Variants in GLI2 observed in about 807,000 individuals in gnomAD.
GLI2 encodes GLI family zinc finger 2.
In GLI2, 22 loss-of-function variants were observed where a neutral mutation model predicts 78.9. That is an observed-to-expected ratio of 0.28 (90% CI 0.20 to 0.40). GLI2 has a LOEUF of 0.40. Ranked by LOEUF, GLI2 falls within the 10% of genes least tolerant of loss-of-function variation. GLI2 has a pLI of 1.00. For missense variants in GLI2, 2,097 were observed against 2,213.2 expected (o/e 0.95, Z 1.05); for synonymous variants, 974 against 963.7 (o/e 1.01, Z -0.20).
At chr2:120,984,818 G>A in intron 12 of GLI2, 75 bp downstream of exon 12, 1 of 1,508,254 alleles carries the variant, frequency 6.6e-7, no homozygotes, top group Non-Finnish European at 9.1e-7. Context: ...TGCCACGGTT[G>A]CGGGCTCTGC....
intron 2 of GLI2, among the ~76,000 whole-genome samples, chr2:120,882,375 G>A (rs887380349): frequency 3.9e-5 from 6 of 152,220 alleles, no homozygotes; most frequent in South Asian, 2.1e-4. Flanking sequence ...CGCTGCAGGC[G>A]TCAGCTGCTG....
At chr2:120,936,049 C>T (rs529643258) in intron 3 of GLI2, among the ~76,000 whole-genome samples, 39 of 152,172 alleles carry the variant, frequency 2.6e-4, no homozygotes, top group African/African-American at 8.4e-4. Context: ...ATGAACTATT[C>T]GGTTCCTCTC....
Position 120,982,894 on chromosome 2 carries a change from G to A in GLI2, c.1632+14G>A, listed in dbSNP as rs1164466405. 1.2e-6 allele frequency: 2 copies of A among 1,612,484 alleles called. No individual in the cohort carries two copies. The highest frequency in any genetic ancestry group is 8.5e-7 in the Non-Finnish European group (1 of 1,178,996). On this transcript the variant is annotated intron_variant, in intron 11 of 13. Transcript: ENST00000361492. ...CACTCCAACGAGGTACCTCTGCGGG[G>A]CATGCACTGGGCATGCACACTGGGG...
At chr2:120,832,105 A>G (rs78482418) in intron 2 of GLI2, among the ~76,000 whole-genome samples, 1,810 of 152,304 alleles carry the variant, frequency 0.012, 49 homozygotes, top group East Asian at 0.06. Context: ...GCCCCAGTCC[A>G]TGCCCACCTG....
chr2:120,890,186 T>C (rs1264651908), intron 2 of GLI2, among the ~76,000 whole-genome samples: 2 of 152,218 alleles, frequency 1.3e-5, no homozygotes, highest in Non-Finnish European at 2.9e-5. Context: ...CGGGGAATTA[T>C]GCTGAGTGCA....
intron 2 of GLI2, among the ~76,000 whole-genome samples, chr2:120,916,416 C>G (rs904053590): frequency 6.6e-6 from 1 of 152,254 alleles, no homozygotes; most frequent in Non-Finnish European, 1.5e-5. Flanking sequence ...CCATCCTCCC[C>G]CTTCCTTCTG....
chr2:120,893,647 AAAG>A (rs932833072), intron 2 of GLI2, among the ~76,000 whole-genome samples: 1 of 151,106 alleles, frequency 6.6e-6, no homozygotes, highest in Non-Finnish European at 1.5e-5. Flanking sequence ...TGAAAGGAAA[AAAG>A]AAGAAAGAAA....
At chr2:120,881,579 G>T (rs1677130211) in intron 2 of GLI2, among the ~76,000 whole-genome samples, 1 of 107,400 alleles carries the variant, frequency 9.3e-6, no homozygotes, top group Non-Finnish European at 1.9e-5. Context: ...GTAGGGGAGG[G>T]CAGGTAGTGG....
At chr2:120,834,136 T>G (rs1000287424) in intron 2 of GLI2, among the ~76,000 whole-genome samples, 2 of 152,194 alleles carry the variant, frequency 1.3e-5, no homozygotes, top group African/African-American at 4.8e-5. Context: ...TTAGCATGAT[T>G]CAGGTATGGT....
In GLI2 at chr2:120,984,466, C is replaced by T. The variant is rs551256208; in HGVS notation, c.1633-5C>T. On this transcript the variant is annotated splice_region_variant and splice_polypyrimidine_tract_variant and intron_variant, in intron 11 of 13. Coordinates refer to ENST00000361492, the MANE Select transcript of GLI2 (RefSeq NM_001374353.1). ...TCCATGACACAGGCCTGCTTCTCTC[C>T]CCAGAAACCCTACATCTGCAAGATC... The T allele has an allele frequency of 1.7e-5, 27 of 1,614,144 alleles. No homozygotes were observed. The South Asian group carries it at 2.6e-4, about 16-fold the overall frequency.
Position 120,810,231 on chromosome 2 carries a change from G to A in GLI2, c.148+12763G>A, listed in dbSNP as rs148686305. Among the ~76,000 whole-genome samples the A allele has an allele frequency of 6.4e-3, 982 of 152,326 alleles. 13 individuals carry two copies. Among genetic ancestry groups the A allele is most frequent in the African/African-American group, 0.022 (920 of 41,568 alleles). On this transcript the variant is annotated intron_variant, in intron 2 of 13. Coordinates refer to ENST00000361492, the MANE Select transcript of GLI2 (RefSeq NM_001374353.1). Reference sequence around the variant, plus strand: ...GGGGATGGTCTTGCCAGTGCTACGCGGTGAGTATCTACCAGATCTTGGTAG... The same window carrying A: ...GGGGATGGTCTTGCCAGTGCTACGCAGTGAGTATCTACCAGATCTTGGTAG...
intron 9 of GLI2, among the ~76,000 whole-genome samples, chr2:120,976,611 A>G (rs1312533657): frequency 2.6e-5 from 4 of 152,260 alleles, no homozygotes; most frequent in African/African-American, 9.6e-5. Flanking sequence ...AAGCCAGAGC[A>G]TGCAGATGAG....
At chr2:120,983,125 C>T (rs989499088) in intron 11 of GLI2, among the ~76,000 whole-genome samples, 1 of 152,326 alleles carries the variant, frequency 6.6e-6, no homozygotes, top group African/African-American at 2.4e-5. Flanking sequence ...CTGACCCTCT[C>T]TGTGCCTCAA....
intron 3 of GLI2, among the ~76,000 whole-genome samples, chr2:120,949,336 T>C (rs1558906863): frequency 1.3e-5 from 2 of 152,260 alleles, no homozygotes; most frequent in Admixed American, 6.5e-5. Context: ...CTCCCTCCCA[T>C]TGAGCTCAGT....
chr2:120,791,653 T>C (rs1470787349), intron 1 of GLI2, among the ~76,000 whole-genome samples: 2 of 152,244 alleles, frequency 1.3e-5, no homozygotes, highest in Non-Finnish European at 1.5e-5. Context: ...GTCCTTGTAA[T>C]ATATACATGT....
intron 2 of GLI2, among the ~76,000 whole-genome samples, chr2:120,806,347 A>G (rs1684950058): frequency 1.3e-5 from 2 of 152,118 alleles, no homozygotes; most frequent in Non-Finnish European, 2.9e-5. Context: ...TGGACCAGAG[A>G]GGTGGTGATG....
At chr2:120,745,209 G>A (rs1052549311) in intron 1 of GLI2, among the ~76,000 whole-genome samples, 1 of 152,182 alleles carries the variant, frequency 6.6e-6, no homozygotes, top group African/African-American at 2.4e-5. Context: ...GTTGGTTTAT[G>A]TGCTGTAGGT....
At chr2:120,919,510 G>A (rs146446914) in intron 2 of GLI2, among the ~76,000 whole-genome samples, 1 of 152,236 alleles carries the variant, frequency 6.6e-6, no homozygotes, top group Non-Finnish European at 1.5e-5. Flanking sequence ...GTGCATGTGG[G>A]CATCACAGAG....
chr2:120,800,901 G>T lies in GLI2; in HGVS notation c.148+3433G>T, dbSNP rs1684678633. ...GGTCTTATCTGAGGATGTCAGGGGCGCAGTGGTGAGGAAACAGCCAAATCC... is the reference window on the plus strand; with the variant it reads ...GGTCTTATCTGAGGATGTCAGGGGCTCAGTGGTGAGGAAACAGCCAAATCC... On this transcript the variant is annotated intron_variant, in intron 2 of 13. Coordinates refer to ENST00000361492, the MANE Select transcript of GLI2 (RefSeq NM_001374353.1). This position sits in a 1 kb window ranked among gnomAD's most constrained non-coding sequence, Gnocchi z 4.1. Among the ~76,000 whole-genome samples the T allele has an allele frequency of 1.3e-5, 2 of 152,152 alleles. No individual in the cohort carries two copies. The highest frequency in any genetic ancestry group is 2.1e-4 in the South Asian group (1 of 4,832).
Sources: allele counts gnomAD v4.1 joint callset (sites outside exome capture counted in the v4.1 genomes callset), GRCh38; gene constraint gnomAD v4.1.1; non-coding constraint Gnocchi (gnomAD v3.1); transcripts MANE v1.5; gene names NCBI Gene and HGNC (gene_info 2026-07-23, HGNC 2026-07-21).